Variants in MCM6 observed in about 807,000 individuals in gnomAD.
The protein encoded by MCM6 is DNA replication licensing factor MCM6.
Under a neutral mutation model 94.3 loss-of-function variants are expected in MCM6, and 46 were observed. The ratio of observed to expected loss-of-function variants is 0.49; its 90% CI spans 0.39 to 0.62. The LOEUF is 0.62. Ranked by LOEUF, MCM6 falls within the 20% of genes least tolerant of loss-of-function variation. The pLI is 0.00. For missense variants in MCM6, 865 were observed against 1,017.9 expected (o/e 0.85, Z 2.04); for synonymous variants, 335 against 351.9 (o/e 0.95, Z 0.54).
chr2:135,875,715 ACT>A (rs1308178642), intron 1 of MCM6, among the ~76,000 whole-genome samples: 1 of 152,084 alleles, frequency 6.6e-6, no homozygotes, highest in African/African-American at 2.4e-5. Flanking sequence ...ATGGTGAGCT[ACT>A]CTCTGCAGGG....
At chr2:135,871,139 G>A (rs1024820914) in intron 2 of MCM6, among the ~76,000 whole-genome samples, 4 of 152,176 alleles carry the variant, frequency 2.6e-5, no homozygotes, top group African/African-American at 9.7e-5. Flanking sequence ...TTTGACTGGT[G>A]AGAGTGAAGT....
At chr2:135,863,686 C>T (rs1680034459) in intron 7 of MCM6, among the ~76,000 whole-genome samples, 1 of 151,834 alleles carries the variant, frequency 6.6e-6, no homozygotes, top group South Asian at 2.1e-4. Flanking sequence ...GCAATGTATG[C>T]TGTCACTGCA....
intron 13 of MCM6, among the ~76,000 whole-genome samples, chr2:135,848,875 A>G (rs1172322404): frequency 2.0e-5 from 3 of 152,054 alleles, no homozygotes; most frequent in Non-Finnish European, 4.4e-5. Context: ...ACAGAGTGAG[A>G]CTCCATCTCA....
chr2:135,873,223 C>T (rs1159741534), intron 1 of MCM6, among the ~76,000 whole-genome samples: 2 of 152,198 alleles, frequency 1.3e-5, no homozygotes, highest in Non-Finnish European at 2.9e-5. Context: ...TCCTCCTTGC[C>T]TTCCACCATG....
At position 135,848,151 on chromosome 2, in the gene MCM6, A is replaced by T. The variant is rs751957921; in HGVS notation, c.1955T>A (p.Leu652Gln). The change falls in exon 14 of 17, where the codon CTG becomes CAG. Residue 652 changes from leucine to glutamine, a missense_variant. Coordinates refer to ENST00000264156, the MANE Select transcript of MCM6 (RefSeq NM_005915.6). ...PKHVKEAFRL[L>Q]NKSIIRVETP... ...TTCCACACGGATGATTGATTTATTCAGTAACCGGAAAGCTTCCTTCACATG... is the reference window on the plus strand; with the variant it reads ...TTCCACACGGATGATTGATTTATTCTGTAACCGGAAAGCTTCCTTCACATG... 6.2e-7 allele frequency: 1 copy of T among 1,611,846 alleles called. No homozygotes were observed. The highest frequency in any genetic ancestry group is 1.1e-5 in the South Asian group (1 of 91,010).
chr2:135,866,251 C>T lies in MCM6; in HGVS notation c.808G>A (p.Val270Ile). ...PGARAETNSR[V>I]SGVDGYETEG... ...GTCTCATATCCATCAACACCACTGA[C>T]ACGGGAATTAGTTTCTGCACGTGCT... The change falls in exon 6 of 17, where the codon GTC (valine) becomes ATC (isoleucine). Residue 270 changes from valine (V) to isoleucine (I), a missense_variant. Val to Ile is a conservative substitution (Grantham distance 29). This residue lies in a region of MCM6 where 404 missense variants were observed against 451.9 expected (regional missense o/e 0.89). Coordinates refer to ENST00000264156, the MANE Select transcript of MCM6 (RefSeq NM_005915.6). 1 of 1,614,164 alleles carries T rather than the reference C, an allele frequency of 6.2e-7. No individual in the cohort carries two copies. The highest frequency in any genetic ancestry group is 8.5e-7 in the Non-Finnish European group (1 of 1,180,006).
intron 3 of MCM6, 51 bp downstream of exon 3, chr2:135,870,200 G>T (rs571927314): frequency 1.5e-6 from 2 of 1,341,990 alleles, no homozygotes; most frequent in Admixed American, 1.7e-5. Flanking sequence ...CAGCTAAGTG[G>T]TACTTATACC....
At position 135,871,488 on chromosome 2, in the gene MCM6, T is replaced by A. The variant is rs116628374; in HGVS notation, c.255-1127A>T. Among the ~76,000 whole-genome samples the A allele has an allele frequency of 2.6e-3, 402 of 152,358 alleles. 4 individuals carry two copies. Among genetic ancestry groups the A allele is most frequent in the African/African-American group, 9.4e-3 (390 of 41,578 alleles). ...AAATGAACGAGACTGTGCCTCCTTA[T>A]CCCTGGGTTTTCATTTATCTTTCAC... On this transcript the variant is annotated intron_variant, in intron 2 of 16. Transcript: ENST00000264156.
At chr2:135,863,792 C>CTT (rs1680037294) in intron 7 of MCM6, among the ~76,000 whole-genome samples, 2 of 150,900 alleles carry the variant, frequency 1.3e-5, no homozygotes, top group Non-Finnish European at 3.0e-5. Context: ...CTTCCACAAA[C>CTT]AAAACTTCTC....
At chr2:135,874,607 T>C (rs187792096) in intron 1 of MCM6, among the ~76,000 whole-genome samples, 1 of 152,338 alleles carries the variant, frequency 6.6e-6, no homozygotes, top group Non-Finnish European at 1.5e-5. Context: ...AAATGCAGTA[T>C]ATATACAGGT....
chr2:135,862,571 CT>C (rs1470597191), intron 8 of MCM6, 35 bp downstream of exon 8: 1 of 1,612,102 alleles, frequency 6.2e-7, no homozygotes, highest in Non-Finnish European at 8.5e-7. Flanking sequence ...ACTATGTACA[CT>C]TTTTCCTGCA....
In MCM6 at chr2:135,858,294, C is replaced by T. The variant is rs376092937; in HGVS notation, c.1363-290G>A. The stretch of plus-strand genomic sequence containing the variant: ...ATGAGGTCAAGAGTTCGAGACCAGC[C>T]TGGCCAACATGGTGAAACCCCGTCT... On this transcript the variant is annotated intron_variant, in intron 9 of 16. Coordinates refer to ENST00000264156, the MANE Select transcript of MCM6 (RefSeq NM_005915.6). 2.0e-4 allele frequency among the ~76,000 whole-genome samples: 30 copies of T among 152,290 alleles called. No individual in the cohort carries two copies. The South Asian group carries it at 6.0e-3, about 31-fold the overall frequency.
chr2:135,846,273 T>C lies in MCM6; in HGVS notation c.2173A>G (p.Asn725Asp). Residue 725 changes from asparagine to aspartate, a missense_variant, in exon 15 of 17, where the codon AAC (asparagine) becomes GAC (aspartate). This residue lies in a region of MCM6 where 308 missense variants were observed against 324.5 expected (regional missense o/e 0.95). Coordinates refer to ENST00000264156, the MANE Select transcript of MCM6 (RefSeq NM_005915.6). ...TTTCTGAGGTGAAGCACAATAAGGT[T>C]AGAGATTCGGCAGTACTCAGAGAAG... ...LGFSEYCRIS[N>D]LIVLHLRKVE... 6.2e-7 allele frequency: 1 copy of C among 1,614,108 alleles called. No homozygotes were observed. Among genetic ancestry groups the C allele is most frequent in the Non-Finnish European group, 8.5e-7 (1 of 1,180,008 alleles).
intron 12 of MCM6, 24 bp from the exon 13 acceptor site, chr2:135,851,587 T>TA: frequency 1.3e-6 from 2 of 1,561,738 alleles, no homozygotes; most frequent in Non-Finnish European, 1.7e-6. Context: ...TCACTCAAGT[T>TA]AGAGAAACAT....
Position 135,866,177 on chromosome 2 carries a change from A to G in MCM6, c.882T>C (p.Tyr294=), listed in dbSNP as rs1558762038. The G allele has an allele frequency of 5.6e-6, 9 of 1,614,190 alleles. No homozygotes were observed. Among genetic ancestry groups the G allele is most frequent in the Non-Finnish European group, 7.6e-6 (9 of 1,180,022 alleles). ...CACAGCAGGCAAGAAAGACCAGCCT[A>G]TAAGAAAGGTCCCTAACACCAAGGG... is the stretch of plus-strand genomic sequence containing the variant. ...LRALGVRDLS[Y]RLVFLACCVA... is the part of the protein sequence containing the mutation. The change falls in exon 6 of 17, where the codon TAT becomes TAC. Residue 294 remains tyrosine, a synonymous_variant. Coordinates refer to ENST00000264156, the MANE Select transcript of MCM6 (RefSeq NM_005915.6).
intron 11 of MCM6, among the ~76,000 whole-genome samples, chr2:135,854,841 A>G (rs1003834966): frequency 6.6e-6 from 1 of 151,656 alleles, no homozygotes; most frequent in African/African-American, 2.4e-5. Context: ...CCACTGCAGG[A>G]AAGAGTGGGA....
At position 135,844,618 on chromosome 2, in the gene MCM6, T is replaced by A; in HGVS notation, c.2276A>T (p.Glu759Val). 2 of 1,589,114 alleles carry A rather than the reference T, an allele frequency of 1.3e-6. No individual in the cohort carries two copies. Among genetic ancestry groups the A allele is most frequent in the Non-Finnish European group, 1.7e-6 (2 of 1,169,712 alleles). Residue 759 changes from glutamate to valine, a missense_variant, in exon 16 of 17, where the codon GAG becomes GTG. Transcript: ENST00000264156. ...VNWYLKEIES[E>V]IDSEEELINK... ...TATAAGTTCTTCTTCAGAGTCTATC[T>A]CTGATTCGATTTCCTTCAAGTACCA...
intron 11 of MCM6, among the ~76,000 whole-genome samples, chr2:135,856,011 TAC>T (rs1443358877): frequency 1.3e-5 from 2 of 148,984 alleles, no homozygotes; most frequent in African/African-American, 5.0e-5. Context: ...TAGGAAAAAA[TAC>T]AAAGATAAAT....
chr2:135,871,412 T>C (rs537941953), intron 2 of MCM6, among the ~76,000 whole-genome samples: 1 of 152,346 alleles, frequency 6.6e-6, no homozygotes, highest in East Asian at 1.9e-4. Flanking sequence ...TTCTTGATCA[T>C]CAGCTATGAC....
Sources: gnomAD v4.1 joint callset for allele counts (sites outside exome capture counted in the v4.1 genomes callset) on GRCh38, gnomAD v4.1.1 for gene constraint, gnomAD v4.1.1 regional missense constraint, MANE v1.5 for transcripts, NCBI Gene and HGNC (gene_info 2026-07-23, HGNC 2026-07-21) for gene names.